The following PDXDC1 variants were observed in gnomAD, a reference collection of about 807,000 sequenced individuals.
The protein encoded by PDXDC1 is pyridoxal dependent decarboxylase domain containing 1.
In PDXDC1, 42 loss-of-function variants were observed where a neutral mutation model predicts 100.1. The observed-to-expected ratio is 0.42, with a 90% CI of 0.33 to 0.54. PDXDC1 has a LOEUF of 0.54. Ranked by LOEUF, PDXDC1 falls within the 20% of genes least tolerant of loss-of-function variation. The pLI, the probability that PDXDC1 is intolerant of heterozygous loss-of-function variation, is 0.10. For missense variants in PDXDC1, 636 were observed against 979.2 expected, an observed-to-expected ratio of 0.65 and a Z score of 4.68; for synonymous variants, 260 against 371.7, an observed-to-expected ratio of 0.70 and a Z score of 3.46.
intron 16 of PDXDC1, among the ~76,000 whole-genome samples, chr16:15,111,156 A>AC (rs1491308633): frequency 1.6e-4 from 22 of 135,322 alleles, no homozygotes; most frequent in African/African-American, 5.2e-4. Context: ...ACACACACAC[A>AC]AAACACACAA....
intron 16 of PDXDC1, chr16:15,125,233 G>A: frequency 1.7e-6 from 1 of 577,306 alleles, no homozygotes; most frequent in Non-Finnish European, 3.1e-6. Flanking sequence ...CAGTAAGTGG[G>A]GGTTGTGCCG....
At chr16:15,056,047 C>T in intron 16 of PDXDC1, 1 of 638,944 alleles carries the variant, frequency 1.6e-6, no homozygotes, top group Non-Finnish European at 2.0e-6. Context: ...CCCGCCGCCC[C>T]CGCCCCTCGG....
At chr16:15,050,506 G>C (rs1378201942) in intron 16 of PDXDC1, among the ~76,000 whole-genome samples, 1 of 152,186 alleles carries the variant, frequency 6.6e-6, no homozygotes, top group Non-Finnish European at 1.5e-5. Flanking sequence ...GCTGAGGAGG[G>C]AGGACTGCTT....
At chr16:15,044,020 G>A (rs545815467) in intron 16 of PDXDC1, among the ~76,000 whole-genome samples, 5 of 152,280 alleles carry the variant, frequency 3.3e-5, no homozygotes, top group African/African-American at 1.2e-4. Flanking sequence ...ATTTTCTGCA[G>A]ATTAAAATGG....
chr16:15,109,873 G>C (rs1404649673), intron 16 of PDXDC1, among the ~76,000 whole-genome samples: 9 of 138,028 alleles, frequency 6.5e-5, no homozygotes, highest in South Asian at 4.8e-4. Context: ...AAAAAAAAAG[G>C]CTGGGTGTGG....
chr16:15,031,082 C>A (rs1202987226), intron 16 of PDXDC1, among the ~76,000 whole-genome samples: 1 of 149,176 alleles, frequency 6.7e-6, no homozygotes, highest in African/African-American at 2.5e-5. Context: ...TCCCAAGGAG[C>A]TGGGACTACA....
chr16:15,145,292 C>T, the PDXDC1 span, among the ~76,000 whole-genome samples: 6 of 152,356 alleles, frequency 3.9e-5, no homozygotes, highest in East Asian at 9.6e-4. Context: ...ATCACCCACT[C>T]GGCTGTGGGC....
rs1414261768 is a variant in PDXDC1, at chr16:15,036,662, C to T, written c.*387C>T. 3 of 220,982 alleles carry T rather than the reference C, an allele frequency of 1.4e-5. No homozygotes were observed. The Admixed American group carries it at 1.5e-4, about 11-fold the overall frequency. The allele number at this position is 220,982 out of a possible 1,614,324, so 13.7% of individuals were successfully genotyped here. A position where few individuals can be genotyped will look rare whatever the true frequency, so the allele number is the denominator to read the frequency against. ...TTTTCATTAGCACTCTCCAGGTTCTCTGCAACACTTCACAGAGGCGAGACT... is the reference window on the plus strand; with the variant it reads ...TTTTCATTAGCACTCTCCAGGTTCTTTGCAACACTTCACAGAGGCGAGACT... On this transcript the variant is annotated 3_prime_UTR_variant, in exon 23 of 23. Transcript: ENST00000396410.
At chr16:15,032,583 G>A in intron 17 of PDXDC1, 1 of 289,278 alleles carries the variant, frequency 3.5e-6, no homozygotes, top group South Asian at 5.3e-5. Flanking sequence ...GAGCCCAGGA[G>A]GTGGAGGTTG....
chr16:15,077,312 A>G (rs2045501902), intron 16 of PDXDC1, among the ~76,000 whole-genome samples: 1 of 152,082 alleles, frequency 6.6e-6, no homozygotes, highest in African/African-American at 2.4e-5. Flanking sequence ...TCCTCCTGTA[A>G]GTCACACATG....
chr16:15,035,592 T>A, intron 22 of PDXDC1, 39 bp downstream of exon 22: 2 of 1,264,490 alleles, frequency 1.6e-6, no homozygotes, highest in Non-Finnish European at 2.2e-6. Context: ...GTAACAGGTT[T>A]CCCCTGTTGA....
chr16:15,070,543 C>A (rs1286106691), intron 16 of PDXDC1, among the ~76,000 whole-genome samples: 1 of 152,056 alleles, frequency 6.6e-6, no homozygotes, highest in Non-Finnish European at 1.5e-5. Context: ...ATCTCAAAGG[C>A]ACCCCTCTTA....
chr16:15,055,976 G>T (rs2044498677), intron 16 of PDXDC1: 1 of 1,220,402 alleles, frequency 8.2e-7, no homozygotes, highest in African/African-American at 1.6e-5. Flanking sequence ...CGGCATCGCG[G>T]AGGCGGCCGC....
intron 16 of PDXDC1, among the ~76,000 whole-genome samples, chr16:15,063,592 C>T (rs1201177111): frequency 6.6e-6 from 1 of 150,422 alleles, no homozygotes; most frequent in Non-Finnish European, 1.5e-5. Flanking sequence ...CCTGTAGTCC[C>T]AGCTACTCGG....
intron 16 of PDXDC1, among the ~76,000 whole-genome samples, chr16:15,066,013 G>A (rs973679796): frequency 6.6e-6 from 1 of 152,224 alleles, no homozygotes; most frequent in South Asian, 2.1e-4. Context: ...CTAAATGATT[G>A]AGCAACTTGA....
chr16:15,068,168 C>G, intron 16 of PDXDC1: 1 of 1,558,720 alleles, frequency 6.4e-7, no homozygotes, highest in East Asian at 2.3e-5. Flanking sequence ...AAATAACTTA[C>G]TTTGTGATTG....
downstream of PDXDC1, chr16:15,040,454 G>A (rs1216045542): frequency 5.2e-6 from 1 of 192,616 alleles, no homozygotes; most frequent in East Asian, 1.4e-4. Flanking sequence ...CATACACGAA[G>A]TTACAGAGAA....
intron 16 of PDXDC1, chr16:15,131,267 A>G (rs1190348674): frequency 1.3e-6 from 2 of 1,587,976 alleles, no homozygotes; most frequent in East Asian, 4.5e-5. Context: ...GCGCGCTCTG[A>G]GGCCAGCCGC....
intron 16 of PDXDC1, chr16:15,110,588 T>G: frequency 1.3e-6 from 2 of 1,583,972 alleles, no homozygotes; most frequent in Non-Finnish European, 1.7e-6. Context: ...TTTCTTTGTG[T>G]GCATACAAAT....
Sources: gnomAD v4.1 joint callset for allele counts (sites outside exome capture counted in the v4.1 genomes callset) on GRCh38, gnomAD v4.1.1 for gene constraint, MANE v1.5 for transcripts, NCBI Gene and HGNC (gene_info 2026-07-23, HGNC 2026-07-21) for gene names.